Variants in ACTN3 observed in about 807,000 individuals in gnomAD.
ACTN3 encodes alpha-actinin-3.
ACTN3 carries 91 observed loss-of-function variants against 119.6 expected under a neutral mutation model. The observed-to-expected ratio is 0.76, with a 90% CI of 0.64 to 0.91. The LOEUF (loss-of-function observed/expected upper bound fraction) is 0.91, where lower values mean the gene tolerates loss of function less well. Among genes scored for constraint, ACTN3 ranks in the 40% least tolerant of loss-of-function variants. ACTN3 has a pLI of 0.00. For synonymous variants in ACTN3, 456 were observed against 478.8 expected, an observed-to-expected ratio of 0.95 and a Z score of 0.62; for missense variants, 1,221 against 1,215.1, an observed-to-expected ratio of 1.00 and a Z score of -0.07.
In ACTN3 at chr11:66,557,813, A is replaced by G; in HGVS notation, c.1012A>G (p.Lys338Glu). Residue 338 changes from lysine (K) to glutamate (E), a missense_variant, in exon 10 of 21, where the codon AAG becomes GAG. This residue lies in a region of ACTN3 where 934 missense variants were observed against 899.9 expected (regional missense o/e 1.04). Transcript: ENST00000513398. ...CTTTCGGGACTACCGGCGTCTGCAC[A>G]AGCCGCCCCGCATTCAGGAAAAGTG... Reference protein sequence around the residue: ...EDFRDYRRLHKPPRIQEKCQL... With the variant: ...EDFRDYRRLHEPPRIQEKCQL... 1 of 1,614,068 alleles carries G rather than the reference A, an allele frequency of 6.2e-7. No individual in the cohort carries two copies. The highest frequency in any genetic ancestry group is 8.5e-7 in the Non-Finnish European group (1 of 1,179,988).
At position 66,551,616 on chromosome 11, in the gene ACTN3, G is replaced by C. The variant is rs780253115; in HGVS notation, c.351G>C (p.Lys117Asn). Reference sequence around the variant, plus strand: ...AGGCCCTGGACTTCATTGCCAGCAAGGGGGTTAAACTGGTGTCCATTGGTG... The same window carrying C: ...AGGCCCTGGACTTCATTGCCAGCAACGGGGTTAAACTGGTGTCCATTGGTG... ...VNKALDFIAS[K>N]GVKLVSIGAE... The change falls in exon 3 of 21, where the codon AAG becomes AAC. Residue 117 changes from lysine to asparagine, a missense_variant. Lys to Asn is a moderately conservative substitution (Grantham distance 94). Transcript: ENST00000513398. 1.2e-5 allele frequency: 19 copies of C among 1,613,816 alleles called. No homozygotes were observed. The highest frequency in any genetic ancestry group is 1.6e-5 in the Non-Finnish European group (19 of 1,180,040).
chr11:66,562,904 G>A lies in ACTN3; in HGVS notation c.2497G>A (p.Asp833Asn). The part of the protein sequence containing the change: ...DFMTRETAET[D>N]TTEQVVASFK... ...CATGACCCGAGAGACAGCCGAGACT[G>A]ACACGACTGAGCAAGTTGTAGCTTC... is the stretch of plus-strand genomic sequence containing the variant. The change falls in exon 20 of 21, where the codon GAC (aspartate) becomes AAC (asparagine). Residue 833 changes from aspartate to asparagine, a missense_variant. Physicochemically the swap from Asp to Asn is conservative, Grantham distance 23 (BLOSUM62 1). Around this residue, in one of 3 missense-constraint regions of ACTN3, gnomAD observed 934 missense variants for 899.9 expected, o/e 1.04. Coordinates refer to ENST00000513398, the MANE Select transcript of ACTN3 (RefSeq NM_001104.4). 6.2e-7 allele frequency: 1 copy of A among 1,613,836 alleles called. No individual in the cohort carries two copies.
chr11:66,554,470 A>AAG, intron 4 of ACTN3, 66 bp from the exon 5 acceptor site: 2 of 1,276,490 alleles, frequency 1.6e-6, no homozygotes, highest in Non-Finnish European at 1.1e-6. Context: ...AAAAAAAAAA[A>AAG]AAGAAGTGTG....
At position 66,551,510 on chromosome 11, in the gene ACTN3, C is replaced by A; in HGVS notation, c.263-18C>A. 1 of 1,611,988 alleles carries A rather than the reference C, an allele frequency of 6.2e-7. No individual in the cohort carries two copies. The highest frequency in any genetic ancestry group is 1.7e-5 in the Admixed American group (1 of 59,568). ...CCTCTCATGACCTTTGGCCCTTGGC[C>A]TCTCCTCTTAAACCCAGGTGAGAGG... On this transcript the variant is annotated intron_variant, in intron 2 of 20. Coordinates refer to ENST00000513398, the MANE Select transcript of ACTN3 (RefSeq NM_001104.4).
chr11:66,560,781 C>A (rs1463892743), intron 15 of ACTN3, 26 bp downstream of exon 15: 5 of 1,587,902 alleles, frequency 3.1e-6, no homozygotes, highest in Non-Finnish European at 4.3e-6. Flanking sequence ...AGCCTTCCTC[C>A]CACCCCCTCC....
chr11:66,554,713 C>A, intron 5 of ACTN3, 90 bp downstream of exon 5: 1 of 1,102,394 alleles, frequency 9.1e-7, no homozygotes, highest in Non-Finnish European at 1.3e-6. Context: ...GGGCACTGAG[C>A]TGGTCTCTGT....
At chr11:66,551,193 C>A in intron 1 of ACTN3, 46 bp from the exon 2 acceptor site, 1 of 1,390,376 alleles carries the variant, frequency 7.2e-7, no homozygotes, top group Non-Finnish European at 1.0e-6. Context: ...TGCCCTACAT[C>A]CCCCAGAGCC....
chr11:66,561,120 T>G, intron 15 of ACTN3, 107 bp from the exon 16 acceptor site: 1 of 1,403,542 alleles, frequency 7.1e-7, no homozygotes, highest in African/African-American at 1.5e-5. Context: ...CCCAGACAAG[T>G]TGGCTCAAAG....
intron 3 of ACTN3, 75 bp downstream of exon 3, chr11:66,551,722 C>T: frequency 1.3e-6 from 2 of 1,571,256 alleles, no homozygotes; most frequent in South Asian, 2.3e-5. Flanking sequence ...CCTCTGTGAG[C>T]CTCAGTTTCC....
intron 2 of ACTN3, 58 bp from the exon 3 acceptor site, chr11:66,551,470 C>T (rs2134919706): frequency 6.3e-7 from 1 of 1,585,806 alleles, no homozygotes; most frequent in African/African-American, 1.3e-5. Flanking sequence ...AGTTTGCGGA[C>T]AATAGCTTCA....
In ACTN3 at chr11:66,560,327, G is replaced by C. The variant is rs763296356; in HGVS notation, c.1677+16G>C. 2 of 1,608,690 alleles carry C rather than the reference G, an allele frequency of 1.2e-6. No homozygotes were observed. Among genetic ancestry groups the C allele is most frequent in the African/African-American group, 2.7e-5 (2 of 74,868 alleles). On this transcript the variant is annotated intron_variant, in intron 14 of 20. Transcript: ENST00000513398. ...GGAGACCCAGGTGGGTGCCAGGGTT[G>C]CAGGGGATGGATAGGATGACAGGAA...
chr11:66,548,164 A>G (rs1261140235), intron 1 of ACTN3, among the ~76,000 whole-genome samples: 1 of 152,178 alleles, frequency 6.6e-6, no homozygotes, highest in African/African-American at 2.4e-5. Flanking sequence ...CTGCTGGGTT[A>G]GATGACAGGA....
At chr11:66,547,769 G>A (rs550550641) in intron 1 of ACTN3, among the ~76,000 whole-genome samples, 8 of 152,114 alleles carry the variant, frequency 5.3e-5, no homozygotes, top group Non-Finnish European at 1.5e-5. Flanking sequence ...GTCCCCTTAC[G>A]CTGTAACCTG....
chr11:66,562,715 G>A, intron 19 of ACTN3, 81 bp from the exon 20 acceptor site: 3 of 1,454,630 alleles, frequency 2.1e-6, no homozygotes, highest in Non-Finnish European at 2.8e-6. Context: ...AGCTGAGGTT[G>A]GACAGTCCCC....
Position 66,557,846 on chromosome 11 carries a change from G to A in ACTN3, c.1045G>A (p.Glu349Lys). Residue 349 changes from glutamate (E) to lysine (K), a missense_variant, in exon 10 of 21, where the codon GAG (glutamate) becomes AAG (lysine). Physicochemically the swap from Glu to Lys is moderately conservative, Grantham distance 56. Around this residue, in one of 3 missense-constraint regions of ACTN3, gnomAD observed 934 missense variants for 899.9 expected, o/e 1.04. Coordinates refer to ENST00000513398, the MANE Select transcript of ACTN3 (RefSeq NM_001104.4). ...CCGCATTCAGGAAAAGTGCCAGCTGGAGATCAACTTCAACACACTGCAGAC... is the reference window on the plus strand; with the variant it reads ...CCGCATTCAGGAAAAGTGCCAGCTGAAGATCAACTTCAACACACTGCAGAC... ...PPRIQEKCQL[E>K]INFNTLQTKL... is the part of the protein sequence containing the mutation. 2 of 1,614,198 alleles carry A rather than the reference G, an allele frequency of 1.2e-6. No homozygotes were observed. Among genetic ancestry groups the A allele is most frequent in the Non-Finnish European group, 1.7e-6 (2 of 1,180,046 alleles).
chr11:66,560,498 G>T (rs1857728559), intron 14 of ACTN3, 75 bp from the exon 15 acceptor site: 1 of 1,524,550 alleles, frequency 6.6e-7, no homozygotes, highest in East Asian at 2.4e-5. Flanking sequence ...GGTGGCCTGG[G>T]GCACACTGCT....
chr11:66,557,322 C>A, intron 9 of ACTN3, 97 bp downstream of exon 9: 1 of 1,216,580 alleles, frequency 8.2e-7, no homozygotes, highest in Non-Finnish European at 1.2e-6. Flanking sequence ...CCTCCCTCTG[C>A]TCAGAGTAGC....
intron 7 of ACTN3, 107 bp downstream of exon 7, chr11:66,555,474 A>C: frequency 9.3e-7 from 1 of 1,075,934 alleles, no homozygotes; most frequent in Non-Finnish European, 1.4e-6. Context: ...TGCTCCGACC[A>C]CCCCCACCCC....
Position 66,554,033 on chromosome 11 carries a change from C to T in ACTN3, c.383-12C>T, listed in dbSNP as rs1476623234. On this transcript the variant is annotated splice_polypyrimidine_tract_variant and intron_variant, in intron 3 of 20. Transcript: ENST00000513398. ...TGCCAGGCAAATCTGTCCCCTGACCCCTGCCCTGCAGAGATTGTTGACGGG... is the reference window on the plus strand; with the variant it reads ...TGCCAGGCAAATCTGTCCCCTGACCTCTGCCCTGCAGAGATTGTTGACGGG... The T allele has an allele frequency of 6.2e-7, 1 of 1,613,020 alleles. No homozygotes were observed. The highest frequency in any genetic ancestry group is 1.3e-5 in the African/African-American group (1 of 74,816).
Sources: allele counts gnomAD v4.1 joint callset (sites outside exome capture counted in the v4.1 genomes callset), GRCh38; gene constraint gnomAD v4.1.1; regional missense constraint gnomAD v4.1.1; transcripts MANE v1.5; gene names NCBI Gene and HGNC (gene_info 2026-07-23, HGNC 2026-07-21).